The following TTLL7 variants were observed in gnomAD, a reference collection of about 807,000 sequenced individuals.
TTLL7 encodes tubulin polyglutamylase TTLL7.
TTLL7 carries 53 observed loss-of-function variants against 120.2 expected under a neutral mutation model. That is an observed-to-expected ratio of 0.44 (90% CI 0.35 to 0.55). The LOEUF is 0.55. Ranked by LOEUF, TTLL7 falls within the 20% of genes least tolerant of loss-of-function variation. The pLI is 0.00. For synonymous variants in TTLL7, 353 were observed against 351.7 expected, an observed-to-expected ratio of 1.00 and a Z score of -0.04; for missense variants, 803 against 1,054.7, an observed-to-expected ratio of 0.76 and a Z score of 3.31.
rs990293697 is a variant in TTLL7 at position 83,957,946 on chromosome 1, T to C, written c.-176-5559A>G. 5.3e-5 allele frequency among the ~76,000 whole-genome samples: 8 copies of C among 152,308 alleles called. No homozygotes were observed. In the East Asian group the frequency reaches 1.5e-3, roughly 29 times the overall value. ...TTAAGCTACCTAGTCTATTATACTTTATTATAGCAGCCTGAGCAGACTAAG... is the reference window on the plus strand; with the variant it reads ...TTAAGCTACCTAGTCTATTATACTTCATTATAGCAGCCTGAGCAGACTAAG... On this transcript the variant is annotated intron_variant, in intron 1 of 20. Transcript: ENST00000260505.
intron 10 of TTLL7, among the ~76,000 whole-genome samples, chr1:83,921,888 C>T (rs1046986956): frequency 2.6e-5 from 4 of 152,004 alleles, no homozygotes; most frequent in Admixed American, 6.6e-5. Flanking sequence ...CATTTCTGAC[C>T]GAAATCTCAG....
At chr1:83,873,516 T>C (rs2100694265) in intron 20 of TTLL7, among the ~76,000 whole-genome samples, 1 of 152,284 alleles carries the variant, frequency 6.6e-6, no homozygotes, top group African/African-American at 2.4e-5. Context: ...TTACCTATTT[T>C]TCTAGCTTAT....
chr1:83,946,205 C>T (rs1245264349), intron 6 of TTLL7: 2 of 152,270 alleles, frequency 1.3e-5, no homozygotes, highest in African/African-American at 4.8e-5. Flanking sequence ...GCGCCCGCCA[C>T]CATGCCCGGC....
intron 1 of TTLL7, among the ~76,000 whole-genome samples, chr1:83,965,269 A>G (rs555890115): frequency 6.6e-6 from 1 of 152,190 alleles, no homozygotes; most frequent in East Asian, 1.9e-4. Flanking sequence ...ACCTGGTGGG[A>G]GGTGACTGTA....
intron 1 of TTLL7, among the ~76,000 whole-genome samples, chr1:83,965,302 C>T (rs1227200564): frequency 6.6e-6 from 1 of 152,022 alleles, no homozygotes; most frequent in Non-Finnish European, 1.5e-5. Flanking sequence ...TTTCTCCACA[C>T]TTGTTCTTGT....
chr1:83,987,361 C>T lies in TTLL7; in HGVS notation c.-177+11570G>A, dbSNP rs530192846. 1.8e-4 allele frequency among the ~76,000 whole-genome samples: 28 copies of T among 152,004 alleles called. 1 individual carries two copies. The South Asian group carries it at 2.7e-3, about 15-fold the overall frequency. On this transcript the variant is annotated intron_variant, in intron 1 of 20. Coordinates refer to ENST00000260505, the MANE Select transcript of TTLL7 (RefSeq NM_024686.6). The stretch of plus-strand genomic sequence containing the variant: ...CATGTCCATGGATTGAAAGAAGCAA[C>T]GCAGTGATGATGGCAATTCTCCCTA...
Position 83,900,523 on chromosome 1 carries a change from C to T in TTLL7, c.2208+3556G>A, listed in dbSNP as rs901033542. On this transcript the variant is annotated intron_variant, in intron 18 of 20. Coordinates refer to ENST00000260505, the MANE Select transcript of TTLL7 (RefSeq NM_024686.6). Reference sequence around the variant, plus strand: ...TGTGTGAGATTGTAAAGAAGGGATTCTAGTCAGCAAGGACAGCCGAAGCAA... The same window carrying T: ...TGTGTGAGATTGTAAAGAAGGGATTTTAGTCAGCAAGGACAGCCGAAGCAA... 4.0e-5 allele frequency among the ~76,000 whole-genome samples: 6 copies of T among 151,864 alleles called. No homozygotes were observed. In the South Asian group the frequency reaches 1.2e-3, roughly 32 times the overall value.
intron 1 of TTLL7, among the ~76,000 whole-genome samples, chr1:83,994,719 ATACCTTG>A (rs1653327019): frequency 6.6e-6 from 1 of 152,164 alleles, no homozygotes; most frequent in Non-Finnish European, 1.5e-5. Flanking sequence ...CTTACACCTT[ATACCTTG>A]TGCCCAGGAC....
intron 19 of TTLL7, among the ~76,000 whole-genome samples, chr1:83,886,852 G>T (rs891851516): frequency 4.0e-5 from 6 of 151,876 alleles, no homozygotes; most frequent in Admixed American, 1.3e-4. Context: ...CAGCTCTCAG[G>T]CCTAAGTTTG....
At chr1:83,894,068 T>G (rs1364314434) in intron 18 of TTLL7, among the ~76,000 whole-genome samples, 1 of 152,144 alleles carries the variant, frequency 6.6e-6, no homozygotes, top group East Asian at 1.9e-4. Flanking sequence ...TTTATATTTT[T>G]TAGTGTAGAA....
intron 18 of TTLL7, among the ~76,000 whole-genome samples, chr1:83,898,478 A>G (rs1354178467): frequency 2.0e-5 from 3 of 152,056 alleles, no homozygotes; most frequent in African/African-American, 7.2e-5. Flanking sequence ...ACTCAAGTCC[A>G]TACTGTCTCA....
intron 20 of TTLL7, chr1:83,879,940 CACA>C (rs1286969760): frequency 6.6e-6 from 1 of 151,868 alleles, no homozygotes; most frequent in Non-Finnish European, 1.5e-5. Flanking sequence ...TTTGTGTACC[CACA>C]AAAGCTACAA....
chr1:83,892,289 TATATATGAATATATATACGA>T (rs1413099212), intron 18 of TTLL7, among the ~76,000 whole-genome samples: 7 of 74,760 alleles, frequency 9.4e-5, no homozygotes, highest in Non-Finnish European at 2.4e-4. Flanking sequence ...AATATATATG[TATATATGAATATATATACGA>T]ATATATATGA....
At chr1:83,882,379 T>C (rs1320047958) in intron 20 of TTLL7, among the ~76,000 whole-genome samples, 3 of 148,778 alleles carry the variant, frequency 2.0e-5, no homozygotes, top group African/African-American at 5.0e-5. Flanking sequence ...AGAACTACAG[T>C]TGTCTTGAGA....
At position 83,919,707 on chromosome 1, in the gene TTLL7, T is replaced by C; in HGVS notation, c.1492A>G (p.Arg498Gly). 6.2e-7 allele frequency: 1 copy of C among 1,610,978 alleles called. No individual in the cohort carries two copies. Among genetic ancestry groups the C allele is most frequent in the East Asian group, 2.2e-5 (1 of 44,750 alleles). ...FQRELNNPLK[R>G]MKEEDILDLL... ...AACATTCATTCTCTTACCTTCATCC[T>C]TTTCAAAGGATTATTCAACTCTCGC... Residue 498 changes from arginine (R) to glycine (G), a missense_variant, in exon 13 of 21, where the codon AGG (arginine) becomes GGG (glycine). Arg to Gly is a moderately radical substitution (Grantham distance 125). Around this residue, in one of 3 missense-constraint regions of TTLL7, gnomAD observed 324 missense variants for 507.7 expected, o/e 0.64. Coordinates refer to ENST00000260505, the MANE Select transcript of TTLL7 (RefSeq NM_024686.6).
At chr1:83,929,509 T>C (rs1659415212) in intron 9 of TTLL7, among the ~76,000 whole-genome samples, 1 of 152,036 alleles carries the variant, frequency 6.6e-6, no homozygotes, top group African/African-American at 2.4e-5. Context: ...CATTCCACTC[T>C]CTCCACTACC....
chr1:83,979,174 C>T (rs540287320), intron 1 of TTLL7: 64 of 152,332 alleles, frequency 4.2e-4, no homozygotes, highest in African/African-American at 1.3e-3. Context: ...ACAGAGCTAT[C>T]ACTCAAATCA....
At position 83,892,547 on chromosome 1, in the gene TTLL7, CAT is replaced by C. The variant is rs1280127698; in HGVS notation, c.2209-2068_2209-2067del. Among the ~76,000 whole-genome samples the C allele has an allele frequency of 2.7e-4, 33 of 123,476 alleles. 1 individual carries two copies. The highest frequency in any genetic ancestry group is 9.1e-4 in the African/African-American group (29 of 31,774). The allele number at this position is 123,476 out of a possible 152,430, so 81.0% of individuals were successfully genotyped here. A position where few individuals can be genotyped will look rare whatever the true frequency, so the allele number is the denominator to read the frequency against. ...ACATATATATGAACATATGAATGAA[CAT>C]ATATATGAACATATGAACATATATA... On this transcript the variant is annotated intron_variant, in intron 18 of 20. Coordinates refer to ENST00000260505, the MANE Select transcript of TTLL7 (RefSeq NM_024686.6).
Position 83,907,607 on chromosome 1 carries a change from G to A in TTLL7, c.1841C>T (p.Ser614Phe). Residue 614 changes from serine (S) to phenylalanine (F), a missense_variant, in exon 16 of 21, where the codon TCC (serine) becomes TTC (phenylalanine). Ser to Phe is a radical substitution (Grantham distance 155). Coordinates refer to ENST00000260505, the MANE Select transcript of TTLL7 (RefSeq NM_024686.6). ...AGAAAATGGGCGGGTGTCCCCACTG[G>A]AAGGTGATTGAGCAGAGATGGACCG... ...CPRSISAQSP[S>F]SGDTRPFSAQ... 1.2e-6 allele frequency: 2 copies of A among 1,613,246 alleles called. No individual in the cohort carries two copies. The highest frequency in any genetic ancestry group is 2.2e-5 in the East Asian group (1 of 44,798).
Sources: allele counts gnomAD v4.1 joint callset (sites outside exome capture counted in the v4.1 genomes callset), GRCh38; gene constraint gnomAD v4.1.1; regional missense constraint gnomAD v4.1.1; transcripts MANE v1.5; gene names NCBI Gene and HGNC (gene_info 2026-07-23, HGNC 2026-07-21).